The following ARSD variants were observed in gnomAD, a reference collection of about 807,000 sequenced individuals.
ARSD encodes arylsulfatase D, also known as testis tissue sperm-binding protein Li 39a.
Under a neutral mutation model 32.6 loss-of-function variants are expected in ARSD, and 21 were observed. The ratio of observed to expected loss-of-function variants is 0.64; its 90% CI spans 0.46 to 0.93. The LOEUF is 0.93. Among genes scored for constraint, ARSD ranks in the 40% least tolerant of loss-of-function variants. ARSD has a pLI of 0.00. For synonymous variants in ARSD, 224 were observed against 237.4 expected, an observed-to-expected ratio of 0.94 and a Z score of 0.52; for missense variants, 454 against 520.9, an observed-to-expected ratio of 0.87 and a Z score of 1.25.
rs1395370745 is a variant in ARSD at position 2,906,704 on chromosome X, C to T, written c.*567G>A. 2 of 112,439 alleles carry T rather than the reference C, an allele frequency of 1.8e-5. No individual in the cohort carries two copies. Among genetic ancestry groups the T allele is most frequent in the East Asian group, 2.8e-4 (1 of 3,565 alleles). 9.3% of individuals were successfully genotyped at this position (112,439 alleles called of 1,213,427 possible). A position where few individuals can be genotyped will look rare whatever the true frequency, so the allele number is the denominator to read the frequency against. On this transcript the variant is annotated 3_prime_UTR_variant, in exon 10 of 10. Transcript: ENST00000381154. Reference sequence around the variant, plus strand: ...ATGAAATTGCAACAATGCTTTAAGACGGAGGGGTGAAAACATCGGGCATTG... The same window carrying T: ...ATGAAATTGCAACAATGCTTTAAGATGGAGGGGTGAAAACATCGGGCATTG...
intron 2 of ARSD, among the ~76,000 whole-genome samples, chrX:2,922,285 T>C (rs190662546): frequency 9.0e-6 from 1 of 110,584 alleles, no homozygotes. Context: ...ATGACTCATA[T>C]AACGAGGCTT....
intron 1 of ARSD, among the ~76,000 whole-genome samples, chrX:2,928,547 G>A (rs1290644250): frequency 1.0e-5 from 1 of 98,087 alleles, no homozygotes; most frequent in Non-Finnish European, 2.1e-5. Context: ...GGCGGGGGGC[G>A]GGAAGGGGCC....
intron 9 of ARSD, 195 bp from the exon 10 acceptor site, chrX:2,907,827 T>C (rs2088865382): frequency 5.1e-6 from 5 of 979,274 alleles, no homozygotes; most frequent in Non-Finnish European, 5.1e-6. Flanking sequence ...CGTGCGCCCA[T>C]GTGTGTCCGT....
intron 6 of ARSD, chrX:2,913,419 C>G (rs1371742757): frequency 1.7e-6 from 1 of 604,649 alleles, no homozygotes; most frequent in Non-Finnish European, 2.0e-6. Flanking sequence ...ACCAGTCTCT[C>G]AGGTTAAATT....
At position 2,918,143 on chromosome X, in the gene ARSD, C is replaced by T. The variant is rs73632976; in HGVS notation, c.524G>A (p.Gly175Asp). The change falls in exon 5 of 10, where the codon GGC (glycine) becomes GAC (aspartate). Residue 175 changes from glycine (G) to aspartate (D), a missense_variant. Gly to Asp is a moderately conservative substitution (Grantham distance 94). Coordinates refer to ENST00000381154, the MANE Select transcript of ARSD (RefSeq NM_001669.4). Reference protein sequence around the residue: ...PLNHGFDYFYGMPFTLTNDCD... With the variant: ...PLNHGFDYFYDMPFTLTNDCD... Reference sequence around the variant, plus strand: ...GTCGTTTGTGAGCGTGAAGGGCATGCCGTAGAAATAGTCAAATCCGTGGTT... The same window carrying T: ...GTCGTTTGTGAGCGTGAAGGGCATGTCGTAGAAATAGTCAAATCCGTGGTT... 2.6e-5 allele frequency: 31 copies of T among 1,199,508 alleles called. No homozygotes were observed. The highest frequency in any genetic ancestry group is 3.6e-5 in the South Asian group (2 of 55,317).
In ARSD at chrX:2,907,586, G is replaced by C. The variant is rs187466013; in HGVS notation, c.1467C>G (p.Pro489=). 1 of 1,129,349 alleles carries C rather than the reference G, an allele frequency of 8.9e-7. No homozygotes were observed. Among genetic ancestry groups the C allele is most frequent in the Admixed American group, 3.0e-5 (1 of 32,928 alleles). The allele number at this position is 1,129,349 out of a possible 1,213,427, so 93.1% of individuals were successfully genotyped here. A position where few individuals can be genotyped will look rare whatever the true frequency, so the allele number is the denominator to read the frequency against. Residue 489 remains proline (P), a synonymous_variant, in exon 10 of 10, where the codon CCC becomes CCG. Transcript: ENST00000381154. ...GGCCGTAGCAGGCCCCCGCTCCCTCGGGGTGGAACTGCGGGGTCGTGTAAT... is the reference window on the plus strand; with the variant it reads ...GGCCGTAGCAGGCCCCCGCTCCCTCCGGGTGGAACTGCGGGGTCGTGTAAT... ...KVHYTTPQFH[P]EGAGACYGRG...
chrX:2,923,331 G>T, intron 2 of ARSD: 1 of 209,057 alleles, frequency 4.8e-6, no homozygotes, highest in Non-Finnish European at 9.3e-6. Flanking sequence ...AAAATTAGCT[G>T]GGCGTGGTGG....
chrX:2,915,885 A>C (rs113106567), intron 5 of ARSD, among the ~76,000 whole-genome samples, 193 bp from the exon 6 acceptor site: 7,933 of 110,277 alleles, frequency 0.072, 607 homozygotes, highest in African/African-American at 0.23. Flanking sequence ...TAATCCCAAC[A>C]CTTTGGGAGG....
chrX:2,918,884 T>G (rs1214032019), intron 4 of ARSD, among the ~76,000 whole-genome samples: 2 of 111,385 alleles, frequency 1.8e-5, no homozygotes, highest in Non-Finnish European at 3.8e-5. Flanking sequence ...GAGGCCAAGG[T>G]AGGTGGATCA....
At chrX:2,920,366 C>CT (rs1259982212) in intron 4 of ARSD, 8,252 of 311,469 alleles carry the variant, frequency 0.026, 2 homozygotes, top group Middle Eastern at 0.03. Flanking sequence ...AAAACGGGAT[C>CT]TTTTTTTTTT....
At chrX:2,926,004 G>C (rs2089079459) in intron 1 of ARSD, among the ~76,000 whole-genome samples, 1 of 111,832 alleles carries the variant, frequency 8.9e-6, no homozygotes. Context: ...AAAGAAGAGA[G>C]TTTTTAATTC....
In ARSD at chrX:2,907,496, G is replaced by A. The variant is rs1233416631; in HGVS notation, c.1557C>T (p.Leu519=). ...THHRPPLLFD[L]SRDPSEARPL... ...GCCGTGCCTCGGAGGGGTCCCTGGA[G>A]AGGTCAAAGAGCAAAGGGGGTCTGT... The change falls in exon 10 of 10, where the codon CTC becomes CTT. Residue 519 remains leucine (L), a synonymous_variant. Coordinates refer to ENST00000381154, the MANE Select transcript of ARSD (RefSeq NM_001669.4). 1.7e-6 allele frequency: 2 copies of A among 1,205,134 alleles called. No homozygotes were observed. Among genetic ancestry groups the A allele is most frequent in the East Asian group, 3.0e-5 (1 of 33,599 alleles).
intron 1 of ARSD, 69 bp downstream of exon 1, chrX:2,929,163 G>T: frequency 1.0e-6 from 1 of 963,406 alleles, no homozygotes. Context: ...CCCTCGCCGT[G>T]CTCGCGACCC....
At chrX:2,929,197 C>T in intron 1 of ARSD, 35 bp downstream of exon 1, 1 of 1,036,613 alleles carries the variant, frequency 9.6e-7, no homozygotes, top group East Asian at 4.1e-5. Context: ...CCACCCTAGG[C>T]CTTAGTATGG....
intron 6 of ARSD, 52 bp downstream of exon 6, chrX:2,915,504 G>A (rs1476130376): frequency 2.1e-5 from 25 of 1,202,564 alleles, no homozygotes; most frequent in Non-Finnish European, 2.6e-5. Context: ...TACGCCCTAT[G>A]TTCAAACCTG....
chrX:2,915,644 G>A lies in ARSD; in HGVS notation c.912C>T (p.His304=). The A allele has an allele frequency of 8.3e-7, 1 of 1,211,407 alleles. No individual in the cohort carries two copies. The highest frequency in any genetic ancestry group is 2.2e-5 in the Admixed American group (1 of 46,028). Residue 304 remains histidine (H), a synonymous_variant, in exon 6 of 10, where the codon CAC becomes CAT. Transcript: ENST00000381154. The stretch of plus-strand genomic sequence containing the variant: ...ATGCACTCGTGGTCACAAGGGGAAT[G>A]TGCACATGCAGCAAAGAAAGGAAGA... ...FLLFLSLLHV[H]IPLVTTSAFL...
At chrX:2,909,683 C>CAAAAAAAAA (rs751282477) in intron 8 of ARSD, 134 bp downstream of exon 8, 1 of 210,545 alleles carries the variant, frequency 4.7e-6, no homozygotes, top group African/African-American at 8.8e-5. Context: ...GACTCTGTCT[C>CAAAAAAAAA]AAAAAAAAAA....
chrX:2,914,120 A>C (rs909944933), intron 6 of ARSD: 1 of 748,845 alleles, frequency 1.3e-6, no homozygotes, highest in African/African-American at 2.3e-5. Flanking sequence ...TTTCTTTGCA[A>C]GAATGGACTA....
intron 1 of ARSD, among the ~76,000 whole-genome samples, chrX:2,928,725 T>A (rs1187573254): frequency 1.5e-5 from 1 of 67,777 alleles, no homozygotes; most frequent in Non-Finnish European, 2.7e-5. Context: ...CGGGCAAGGC[T>A]ACGCTTCGGG....
Sources: allele counts gnomAD v4.1 joint callset (sites outside exome capture counted in the v4.1 genomes callset), GRCh38; gene constraint gnomAD v4.1.1; transcripts MANE v1.5; gene names NCBI Gene and HGNC (gene_info 2026-07-23, HGNC 2026-07-21).